WDPCP: variants seen among roughly 807,000 people sequenced by gnomAD.
WDPCP encodes WD repeat-containing and planar cell polarity effector protein fritz homolog.
Under a neutral mutation model 93.1 loss-of-function variants are expected in WDPCP, and 71 were observed. The ratio of observed to expected loss-of-function variants is 0.76; its 90% CI spans 0.63 to 0.93. WDPCP has a LOEUF of 0.93. WDPCP is among the 40% of genes least tolerant of loss of function. The pLI is 0.00. For synonymous variants in WDPCP, 315 were observed against 315.0 expected (o/e 1.00, Z 0.00); for missense variants, 844 against 887.4 (o/e 0.95, Z 0.62).
intron 1 of WDPCP, among the ~76,000 whole-genome samples, chr2:63,527,159 C>T (rs554362289): frequency 5.3e-4 from 80 of 150,998 alleles, no homozygotes; most frequent in African/African-American, 1.9e-3. Flanking sequence ...ACTATTTTTT[C>T]AAAAATAGCA....
chr2:63,817,138 C>T (rs1422417095), intron 1 of WDPCP, among the ~76,000 whole-genome samples: 6 of 149,536 alleles, frequency 4.0e-5, no homozygotes, highest in African/African-American at 9.9e-5. Context: ...GAGTCAGAGT[C>T]TCGCTCTGTC....
intron 2 of WDPCP, among the ~76,000 whole-genome samples, chr2:63,666,303 G>C (rs1367912646): frequency 6.6e-6 from 1 of 152,126 alleles, no homozygotes; most frequent in Non-Finnish European, 1.5e-5. Flanking sequence ...AATAGTTTTT[G>C]AGCTCTACTG....
At chr2:63,283,306 G>T (rs1232907502) in intron 13 of WDPCP, among the ~76,000 whole-genome samples, 1 of 152,102 alleles carries the variant, frequency 6.6e-6, no homozygotes, top group Non-Finnish European at 1.5e-5. Flanking sequence ...AGCCCCTTGC[G>T]TCACTAGGAT....
chr2:63,509,291 G>A (rs559727735), intron 1 of WDPCP, among the ~76,000 whole-genome samples: 34 of 152,122 alleles, frequency 2.2e-4, no homozygotes, highest in East Asian at 3.9e-4. Context: ...ACTCAAAACC[G>A]CACAACTACA....
At chr2:63,274,209 A>G (rs1438511662) in intron 13 of WDPCP, among the ~76,000 whole-genome samples, 1 of 152,198 alleles carries the variant, frequency 6.6e-6, no homozygotes, top group African/African-American at 2.4e-5. Context: ...TGGAAAATGT[A>G]CAAATACAGG....
intron 1 of WDPCP, among the ~76,000 whole-genome samples, chr2:63,548,269 C>A (rs1705306127): frequency 6.6e-6 from 1 of 151,792 alleles, no homozygotes; most frequent in African/African-American, 2.4e-5. Flanking sequence ...ATACCTGGTA[C>A]AGTTGTATTA....
intron 1 of WDPCP, among the ~76,000 whole-genome samples, chr2:63,523,964 C>A (rs1474684234): frequency 6.6e-6 from 1 of 152,014 alleles, no homozygotes; most frequent in Non-Finnish European, 1.5e-5. Flanking sequence ...TTCCTACACA[C>A]CAAAAACATC....
intron 2 of WDPCP, among the ~76,000 whole-genome samples, chr2:63,725,942 A>C (rs1317072654): frequency 6.6e-6 from 1 of 151,994 alleles, no homozygotes; most frequent in Non-Finnish European, 1.5e-5. Flanking sequence ...TGGATATTAG[A>C]CCTTTGCTGG....
intron 10 of WDPCP, among the ~76,000 whole-genome samples, chr2:63,388,628 T>G (rs914235303): frequency 6.6e-6 from 1 of 152,028 alleles, no homozygotes. Flanking sequence ...TTCAAACCCA[T>G]CACGAGGAAG....
At chr2:63,586,836 C>A (rs1375961961) in intron 1 of WDPCP, among the ~76,000 whole-genome samples, 2 of 152,190 alleles carry the variant, frequency 1.3e-5, no homozygotes, top group Non-Finnish European at 2.9e-5. Context: ...TATAAAAAGT[C>A]TCCCTTGTAA....
At chr2:63,309,615 A>G (rs1292712493) in intron 13 of WDPCP, among the ~76,000 whole-genome samples, 2 of 152,228 alleles carry the variant, frequency 1.3e-5, no homozygotes, top group Non-Finnish European at 2.9e-5. Flanking sequence ...AAACAACACA[A>G]TAAATCAACT....
At chr2:63,825,081 TA>T (rs1273963280) in intron 1 of WDPCP, among the ~76,000 whole-genome samples, 1 of 152,140 alleles carries the variant, frequency 6.6e-6, no homozygotes, top group African/African-American at 2.4e-5. Context: ...TTTTTAAAAT[TA>T]CAAAAGAAAG....
At chr2:63,261,046 A>C (rs1416416914) in intron 13 of WDPCP, among the ~76,000 whole-genome samples, 1 of 152,226 alleles carries the variant, frequency 6.6e-6, no homozygotes, top group South Asian at 2.1e-4. Context: ...TTTCAAGCTA[A>C]AGTTACAATG....
At chr2:63,461,784 T>A (rs1474167142) in intron 6 of WDPCP, among the ~76,000 whole-genome samples, 1 of 152,214 alleles carries the variant, frequency 6.6e-6, no homozygotes, top group East Asian at 1.9e-4. Flanking sequence ...CCATTAAAAG[T>A]CTTCTTCTCA....
chr2:63,275,668 GT>G (rs2104892963), intron 13 of WDPCP, among the ~76,000 whole-genome samples: 1 of 152,146 alleles, frequency 6.6e-6, no homozygotes, highest in South Asian at 2.1e-4. Context: ...CACAAGAAAT[GT>G]TTAACCAAGA....
intron 1 of WDPCP, among the ~76,000 whole-genome samples, chr2:63,498,709 A>G (rs1701372948): frequency 1.3e-5 from 2 of 152,208 alleles, no homozygotes; most frequent in African/African-American, 4.8e-5. Flanking sequence ...CCGGTTTCTT[A>G]AGTCAGCTAT....
At position 63,439,873 on chromosome 2, in the gene WDPCP, T is replaced by A; in HGVS notation, c.385-2A>T. The A allele has an allele frequency of 6.2e-7, 1 of 1,611,650 alleles. No individual in the cohort carries two copies. The highest frequency in any genetic ancestry group is 8.5e-7 in the Non-Finnish European group (1 of 1,178,064). On this transcript the variant is annotated splice_acceptor_variant, in intron 6 of 17. Coordinates refer to ENST00000272321, the MANE Select transcript of WDPCP (RefSeq NM_015910.7). LOFTEE classifies it high-confidence loss of function. ...CAGCACACCTGAACCAAAAAGGAGC[T>A]AAAACCAGGTAAGTGGGGGAGAGAG...
intron 2 of WDPCP, among the ~76,000 whole-genome samples, chr2:63,716,641 T>C (rs1165162542): frequency 1.3e-5 from 2 of 152,118 alleles, no homozygotes; most frequent in Non-Finnish European, 2.9e-5. Context: ...TTGGAAGAGG[T>C]TGGGGTGTGC....
At chr2:63,700,141 G>C (rs894531177) in intron 2 of WDPCP, among the ~76,000 whole-genome samples, 4 of 151,778 alleles carry the variant, frequency 2.6e-5, no homozygotes, top group Non-Finnish European at 5.9e-5. Flanking sequence ...AATTAGCCAG[G>C]CATGGTGGTG....
Sources: gnomAD v4.1 joint callset for allele counts (sites outside exome capture counted in the v4.1 genomes callset) on GRCh38, gnomAD v4.1.1 for gene constraint, MANE v1.5 for transcripts, NCBI Gene and HGNC (gene_info 2026-07-23, HGNC 2026-07-21) for gene names.